Variants in ABCF2 observed in about 807,000 individuals in gnomAD.
ABCF2 encodes ATP-binding cassette sub-family F member 2.
A neutral mutation model predicts 76.9 loss-of-function variants in ABCF2; 37 were observed. The observed-to-expected ratio is 0.48, with a 90% confidence interval of 0.37 to 0.63. ABCF2 has a LOEUF of 0.63. ABCF2 is among the 30% of genes least tolerant of loss of function. The pLI, the probability that ABCF2 is intolerant of heterozygous loss-of-function variation, is 0.00. For synonymous variants in ABCF2, 299 were observed against 283.7 expected, an observed-to-expected ratio of 1.05 and a Z score of -0.54; for missense variants, 524 against 782.1, an observed-to-expected ratio of 0.67 and a Z score of 3.94.
In ABCF2 at chr7:151,214,143, G is replaced by C. The variant is rs1185137819; in HGVS notation, c.1783C>G (p.Pro595Ala). 6.2e-7 allele frequency: 1 copy of C among 1,614,160 alleles called. No homozygotes were observed. Among genetic ancestry groups the C allele is most frequent in the Non-Finnish European group, 8.5e-7 (1 of 1,180,028 alleles). ...TCCTTGTAAGCCAGGATGTCTCCAG[G>C]CCACTTGGTGATTGTCTGCTTCTCA... ...VCEKQTITKW[P>A]GDILAYKEHL... The change falls in exon 15 of 15, where the codon CCT (proline) becomes GCT (alanine). Residue 595 changes from proline (P) to alanine (A), a missense_variant. By Grantham distance (27) the Pro-to-Ala change is conservative (BLOSUM62 -1). Transcript: ENST00000287844. This position sits in a 1 kb window ranked among gnomAD's most constrained non-coding sequence, Gnocchi z 4.9.
At chr7:151,224,727 C>A in intron 3 of ABCF2, 49 bp downstream of exon 3, 1 of 1,517,230 alleles carries the variant, frequency 6.6e-7, no homozygotes, top group Middle Eastern at 1.7e-4. Flanking sequence ...TTGTGAGTGA[C>A]AGATGAGCTA....
intron 8 of ABCF2, 53 bp downstream of exon 8, chr7:151,219,011 C>T: frequency 6.3e-7 from 1 of 1,593,526 alleles, no homozygotes. Flanking sequence ...TCATCCGAGC[C>T]CCCTGCTTCT....
Position 151,218,787 on chromosome 7 carries a change from T to C in ABCF2, c.1104A>G (p.Ala368=), listed in dbSNP as rs749941180. The change falls in exon 9 of 15, where the codon GCA becomes GCG. Residue 368 remains alanine (A), a synonymous_variant. Transcript: ENST00000287844. ...SKEKTLQKMM[A]SGLTERVVSD... is the part of the protein sequence containing the mutation. ...TCACGACCCTCTCTGTCAGTCCTGA[T>C]GCCATCATTTTCTGTAGCGTCTTCT... 1 of 1,613,736 alleles carries C rather than the reference T, an allele frequency of 6.2e-7. No individual in the cohort carries two copies. Among genetic ancestry groups the C allele is most frequent in the Non-Finnish European group, 8.5e-7 (1 of 1,180,008 alleles).
At chr7:151,224,186 C>T in intron 3 of ABCF2, 72 bp from the exon 4 acceptor site, 2 of 1,494,880 alleles carry the variant, frequency 1.3e-6, no homozygotes, top group Non-Finnish European at 1.8e-6. Context: ...GTTCTTCCAC[C>T]CCAGTCAAAC....
chr7:151,226,058 T>A (rs1306188984), intron 2 of ABCF2, among the ~76,000 whole-genome samples: 1 of 152,148 alleles, frequency 6.6e-6, no homozygotes, highest in East Asian at 1.9e-4. Context: ...CACAATCTAA[T>A]AGAGCAGCAA....
Position 151,215,992 on chromosome 7 carries a change from TGA to T in ABCF2, c.1374_1375del (p.His459CysfsTer83). Reference sequence around the variant, plus strand: ...CTGATGGTAACGCCCTATCTTGACATGAGAGTGTTTTCGGATCATGCCATCTG... The same window carrying T: ...CTGATGGTAACGCCCTATCTTGACATGAGTGTTTTCGGATCATGCCATCTG... On this transcript the variant is annotated frameshift_variant, in exon 12 of 15. Transcript: ENST00000287844. The surrounding 1 kb of genome is among the most constrained non-coding windows in gnomAD (Gnocchi z 4.6). 6.2e-7 allele frequency: 1 copy of T among 1,614,120 alleles called. No individual in the cohort carries two copies. The highest frequency in any genetic ancestry group is 8.5e-7 in the Non-Finnish European group (1 of 1,179,990).
At chr7:151,224,233 T>C in intron 3 of ABCF2, 119 bp from the exon 4 acceptor site, 1 of 926,646 alleles carries the variant, frequency 1.1e-6, no homozygotes, top group Non-Finnish European at 1.6e-6. Context: ...TGAGGACCTT[T>C]CTTCCCTTCA....
rs1355042497 is a variant in ABCF2 at position 151,212,176 on chromosome 7, C to T, written c.*1878G>A. On this transcript the variant is annotated 3_prime_UTR_variant, in exon 15 of 15. Transcript: ENST00000287844. ...GCCAGTCCTGGCTGTATTATGAGTA[C>T]TGAAAAATCATGGCTGTGTCTTCCC... 2.0e-6 allele frequency: 2 copies of T among 985,320 alleles called. No individual in the cohort carries two copies. Among genetic ancestry groups the T allele is most frequent in the Non-Finnish European group, 2.4e-6 (2 of 829,940 alleles). The allele number at this position is 985,320 out of a possible 1,614,324, so 61.0% of individuals were successfully genotyped here.
intron 5 of ABCF2, 121 bp from the exon 6 acceptor site, chr7:151,222,737 A>AT: frequency 5.7e-6 from 4 of 697,642 alleles, no homozygotes; most frequent in Non-Finnish European, 9.6e-6. Context: ...CTTGAAATCA[A>AT]TTTTAGGCTC....
At chr7:151,220,387 C>CAAAA (rs10706364) in intron 7 of ABCF2, among the ~76,000 whole-genome samples, 7 of 82,486 alleles carry the variant, frequency 8.5e-5, no homozygotes, top group East Asian at 3.6e-4. Context: ...GACTCCAGCT[C>CAAAA]AAAAAAAAAA....
intron 7 of ABCF2, among the ~76,000 whole-genome samples, chr7:151,220,502 A>C (rs1465750046): frequency 6.6e-6 from 1 of 152,228 alleles, no homozygotes; most frequent in East Asian, 1.9e-4. Flanking sequence ...GCTATATTAT[A>C]AACTAATACT....
In ABCF2 at chr7:151,213,595, C is replaced by G. The variant is rs763565746; in HGVS notation, c.*459G>C. ...GCTAAATAATTATTTAAAAACTGAC[C>G]AGGACGAAGGTCCTGGTCCGGAGCT... On this transcript the variant is annotated 3_prime_UTR_variant, in exon 15 of 15. Coordinates refer to ENST00000287844, the MANE Select transcript of ABCF2 (RefSeq NM_007189.3). 2.0e-5 allele frequency: 20 copies of G among 989,076 alleles called. No individual in the cohort carries two copies. Among genetic ancestry groups the G allele is most frequent in the Non-Finnish European group, 2.3e-5 (19 of 832,814 alleles). The allele number at this position is 989,076 out of a possible 1,614,324, so 61.3% of individuals were successfully genotyped here.
At position 151,213,205 on chromosome 7, in the gene ABCF2, A is replaced by C; in HGVS notation, c.*849T>G. 2 of 983,198 alleles carry C rather than the reference A, an allele frequency of 2.0e-6. No individual in the cohort carries two copies. The highest frequency in any genetic ancestry group is 2.4e-6 in the Non-Finnish European group (2 of 827,922). 60.9% of individuals were successfully genotyped at this position (983,198 alleles called of 1,614,324 possible). ...AGCATCACCTGGAAACTTGCTAGAAATGTTAACGTTCTTGGTCTCCCCCAA... is the reference window on the plus strand; with the variant it reads ...AGCATCACCTGGAAACTTGCTAGAACTGTTAACGTTCTTGGTCTCCCCCAA... On this transcript the variant is annotated 3_prime_UTR_variant, in exon 15 of 15. Coordinates refer to ENST00000287844, the MANE Select transcript of ABCF2 (RefSeq NM_007189.3).
At position 151,212,809 on chromosome 7, in the gene ABCF2, A is replaced by C. The variant is rs1025017088; in HGVS notation, c.*1245T>G. 6.5e-6 allele frequency: 1 copy of C among 154,986 alleles called. No individual in the cohort carries two copies. Among genetic ancestry groups the C allele is most frequent in the African/African-American group, 2.4e-5 (1 of 40,972 alleles). The allele number at this position is 154,986 out of a possible 1,614,324, so 9.6% of individuals were successfully genotyped here. ...GAGCCACTGTGCCTGGCCAGTCTGC[A>C]TTTTTTTGAGACAGGGTTTTGCTCT... On this transcript the variant is annotated 3_prime_UTR_variant, in exon 15 of 15. Transcript: ENST00000287844.
rs143636020 is a variant in ABCF2, at chr7:151,215,995, G to C, written c.1373C>G (p.Ser458Cys). ...LPTDGMIRKHSHVKIGRYHQH... is the reference protein window; with the variant it reads ...LPTDGMIRKHCHVKIGRYHQH... Reference sequence around the variant, plus strand: ...ATGGTAACGCCCTATCTTGACATGAGAGTGTTTTCGGATCATGCCATCTGT... The same window carrying C: ...ATGGTAACGCCCTATCTTGACATGACAGTGTTTTCGGATCATGCCATCTGT... Residue 458 changes from serine to cysteine, a missense_variant, in exon 12 of 15, where the codon TCT (serine) becomes TGT (cysteine). Physicochemically the swap from Ser to Cys is moderately radical, Grantham distance 112. Around this residue, in one of 2 missense-constraint regions of ABCF2, gnomAD observed 194 missense variants for 348.6 expected, o/e 0.56. Coordinates refer to ENST00000287844, the MANE Select transcript of ABCF2 (RefSeq NM_007189.3). This position sits in a 1 kb window ranked among gnomAD's most constrained non-coding sequence, Gnocchi z 4.6. 2.5e-6 allele frequency: 4 copies of C among 1,614,198 alleles called. No homozygotes were observed. In the East Asian group the frequency reaches 8.9e-5, roughly 36 times the overall value.
At position 151,214,024 on chromosome 7, in the gene ABCF2, G is replaced by A. The variant is rs1802101431; in HGVS notation, c.*30C>T. ...GTTAGCAGCTGTTAGTTCCCAGATG[G>A]AGCTCCTGACCCGAACCCAGGTAGA... On this transcript the variant is annotated 3_prime_UTR_variant, in exon 15 of 15. Coordinates refer to ENST00000287844, the MANE Select transcript of ABCF2 (RefSeq NM_007189.3). This position sits in a 1 kb window ranked among gnomAD's most constrained non-coding sequence, Gnocchi z 4.9. 6.2e-7 allele frequency: 1 copy of A among 1,609,790 alleles called. No individual in the cohort carries two copies. Among genetic ancestry groups the A allele is most frequent in the Admixed American group, 1.7e-5 (1 of 59,446 alleles).
Position 151,224,872 on chromosome 7 carries a change from G to A in ABCF2, c.271C>T (p.Leu91Phe), listed in dbSNP as rs1474582163. 4 of 1,614,216 alleles carry A rather than the reference G, an allele frequency of 2.5e-6. No individual in the cohort carries two copies. In the East Asian group the frequency reaches 8.9e-5, roughly 36 times the overall value. Residue 91 changes from leucine (L) to phenylalanine (F), a missense_variant, in exon 3 of 15, where the codon CTC (leucine) becomes TTC (phenylalanine). Leu to Phe is a conservative substitution (Grantham distance 22). Transcript: ENST00000287844. The part of the protein sequence containing the change: ...PNSTDVHIIN[L>F]SLTFHGQELL... ...TCTTGACCATGAAAGGTAAGTGAGA[G>A]GTTGATGATGTGAACATCAGTACTG...
intron 9 of ABCF2, 40 bp downstream of exon 9, chr7:151,218,714 C>G (rs1802202959): frequency 6.2e-7 from 1 of 1,613,320 alleles, no homozygotes; most frequent in Non-Finnish European, 8.5e-7. Flanking sequence ...CTTAGGCCAC[C>G]CAACCCCACC....
chr7:151,222,296 T>TAA (rs112640220), intron 6 of ABCF2, among the ~76,000 whole-genome samples: 6 of 150,264 alleles, frequency 4.0e-5, no homozygotes, highest in Admixed American at 6.6e-5. Flanking sequence ...AGGATTTTTT[T>TAA]TAAAAAAAAA....
Sources: allele counts gnomAD v4.1 joint callset (sites outside exome capture counted in the v4.1 genomes callset), GRCh38; gene constraint gnomAD v4.1.1; regional missense constraint gnomAD v4.1.1; non-coding constraint Gnocchi (gnomAD v3.1); transcripts MANE v1.5; gene names NCBI Gene and HGNC (gene_info 2026-07-23, HGNC 2026-07-21).